Variants in MCTP2 observed in about 807,000 individuals in gnomAD.
The protein encoded by MCTP2 is multiple C2 and transmembrane domain containing 2, also known as multiple C2 and transmembrane domain-containing protein 2.
MCTP2 carries 132 observed loss-of-function variants against 111.6 expected under a neutral mutation model. The ratio of observed to expected loss-of-function variants is 1.18; its 90% CI spans 1.03 to 1.37. MCTP2 has a LOEUF of 1.37. Ranked by LOEUF, MCTP2 falls within the 40% of genes most tolerant of loss-of-function variation. The probability of loss-of-function intolerance (pLI) is 0.00; values close to 1 mark genes in which losing one functional copy is unlikely to be tolerated. For missense variants in MCTP2, 1,183 were observed against 1,067.9 expected, an observed-to-expected ratio of 1.11 and a Z score of -1.50; for synonymous variants, 395 against 387.7, an observed-to-expected ratio of 1.02 and a Z score of -0.22.
chr15:94,313,567 T>C (rs1567395675), intron 2 of MCTP2, among the ~76,000 whole-genome samples: 1 of 151,918 alleles, frequency 6.6e-6, no homozygotes, highest in Non-Finnish European at 1.5e-5. Context: ...CAGGCGTTGT[T>C]ACAGGTGCCT....
At position 94,358,607 on chromosome 15, in the gene MCTP2, G is replaced by A. The variant is rs557973063; in HGVS notation, c.1296G>A (p.Leu432=). ...ACAACAAAAAGCATGAGGAACGTCTGGGCACGTGAGTCCCCTCTGCTTTCC... is the reference window on the plus strand; with the variant it reads ...ACAACAAAAAGCATGAGGAACGTCTAGGCACGTGAGTCCCCTCTGCTTTCC... ...GKDNKKHEER[L]GTCKVDISAL... is the part of the protein sequence containing the mutation. The change falls in exon 10 of 23, where the codon CTG becomes CTA. Residue 432 remains leucine, a synonymous_variant. Transcript: ENST00000357742. 1 of 1,613,414 alleles carries A rather than the reference G, an allele frequency of 6.2e-7. No individual in the cohort carries two copies. The highest frequency in any genetic ancestry group is 1.3e-5 in the African/African-American group (1 of 74,990).
At chr15:94,394,899 G>T (rs769915305) in intron 14 of MCTP2, among the ~76,000 whole-genome samples, 1 of 152,116 alleles carries the variant, frequency 6.6e-6, no homozygotes, top group Non-Finnish European at 1.5e-5. Flanking sequence ...TAGTTGGTTT[G>T]GGTTTCAGGC....
intron 17 of MCTP2, among the ~76,000 whole-genome samples, chr15:94,418,353 A>C (rs927824761): frequency 7.2e-5 from 11 of 152,028 alleles, no homozygotes; most frequent in Non-Finnish European, 1.2e-4. Flanking sequence ...TCATCTACCT[A>C]CCTTTATGGA....
intron 1 of MCTP2, among the ~76,000 whole-genome samples, chr15:94,293,793 A>C (rs1333453226): frequency 1.3e-5 from 2 of 152,252 alleles, no homozygotes; most frequent in African/African-American, 4.8e-5. Flanking sequence ...AAAGTCTGGC[A>C]AAGAGTTATC....
intron 14 of MCTP2, among the ~76,000 whole-genome samples, chr15:94,386,814 A>AAAC (rs72018608): frequency 6.6e-6 from 1 of 151,976 alleles, no homozygotes; most frequent in South Asian, 2.1e-4. Context: ...AAACAAAACA[A>AAAC]AACAAAACAA....
intron 17 of MCTP2, among the ~76,000 whole-genome samples, chr15:94,407,689 T>G (rs2081967067): frequency 6.6e-6 from 1 of 151,358 alleles, no homozygotes; most frequent in Non-Finnish European, 1.5e-5. Flanking sequence ...CCTAGAATAT[T>G]GAGAAAATGT....
At chr15:94,274,182 C>CT in intron 1 of MCTP2, among the ~76,000 whole-genome samples, 1 of 147,604 alleles carries the variant, frequency 6.8e-6, no homozygotes. Context: ...GGGAAATGCT[C>CT]TAAAAAAAAA....
At chr15:94,250,274 CTT>C (rs1332019297) in intron 1 of MCTP2, among the ~76,000 whole-genome samples, 7 of 152,078 alleles carry the variant, frequency 4.6e-5, no homozygotes, top group African/African-American at 1.7e-4. Context: ...AAATATATCA[CTT>C]AATATGCATT....
At chr15:94,329,356 G>A (rs371243407) in intron 4 of MCTP2, among the ~76,000 whole-genome samples, 58 of 152,156 alleles carry the variant, frequency 3.8e-4, no homozygotes, top group African/African-American at 1.2e-3. Context: ...TTAGTAGTCC[G>A]TTCTTGCATT....
At chr15:94,443,046 TC>T (rs377371158) in intron 19 of MCTP2, 86 bp downstream of exon 19, 31 of 812,262 alleles carry the variant, frequency 3.8e-5, no homozygotes, top group African/African-American at 1.5e-4. Flanking sequence ...CTCTCTCCTC[TC>T]TTTTTTTTTT....
chr15:94,410,891 G>A (rs1002475160), intron 17 of MCTP2, among the ~76,000 whole-genome samples: 12 of 152,162 alleles, frequency 7.9e-5, no homozygotes, highest in Admixed American at 3.3e-4. Flanking sequence ...AAACAACCTG[G>A]CAGCTTCATC....
intron 2 of MCTP2, among the ~76,000 whole-genome samples, chr15:94,303,105 A>ATAGTTTATC (rs1567368498): frequency 2.5e-4 from 33 of 133,044 alleles, no homozygotes; most frequent in African/African-American, 9.3e-4. Context: ...TATAGTTTAT[A>ATAGTTTATC]TATATATATA....
rs1411472211 is a variant in MCTP2 at position 94,330,980 on chromosome 15, T to TGCCTCG, written c.638-8304_638-8299dup. On this transcript the variant is annotated intron_variant, in intron 4 of 22. Coordinates refer to ENST00000357742, the MANE Select transcript of MCTP2 (RefSeq NM_001385001.1). ...GAATTCTGAGCTCAAGCAATCCACC[T>TGCCTCG]GCCTCGGCCTCCCAAAGTGCTGGGA... 2.6e-5 allele frequency among the ~76,000 whole-genome samples: 4 copies of TGCCTCG among 152,164 alleles called. No homozygotes were observed. In the East Asian group the frequency reaches 7.7e-4, roughly 29 times the overall value.
At chr15:94,340,953 C>G (rs528543149) in intron 7 of MCTP2, 29 bp downstream of exon 7, 1 of 1,418,994 alleles carries the variant, frequency 7.0e-7, no homozygotes, top group Non-Finnish European at 1.0e-6. Flanking sequence ...TCTTTTGAAA[C>G]CTCTCATTTT....
intron 14 of MCTP2, among the ~76,000 whole-genome samples, chr15:94,390,488 A>T (rs1041851841): frequency 6.6e-6 from 1 of 152,060 alleles, no homozygotes; most frequent in Non-Finnish European, 1.5e-5. Flanking sequence ...TTTATCCTTA[A>T]TTAAGTGATC....
chr15:94,254,239 T>G (rs2072621802), intron 1 of MCTP2, among the ~76,000 whole-genome samples: 1 of 152,212 alleles, frequency 6.6e-6, no homozygotes. Flanking sequence ...TTATACAGTG[T>G]CTCTTCAGGT....
At chr15:94,476,601 CTGACAGATAGATAGATAGATAGAT>C in intron 21 of MCTP2, 71 bp from the exon 22 acceptor site, 2 of 748,416 alleles carry the variant, frequency 2.7e-6, no homozygotes, top group East Asian at 2.7e-5. Context: ...AGATGATTGA[CTGACAGATAGATAGATAGATAGAT>C]AGATAGATAG....
At chr15:94,243,645 A>G (rs1320975467) in intron 1 of MCTP2, among the ~76,000 whole-genome samples, 6 of 149,618 alleles carry the variant, frequency 4.0e-5, no homozygotes, top group African/African-American at 9.8e-5. Flanking sequence ...ATATACATAT[A>G]TATGTATACA....
intron 1 of MCTP2, among the ~76,000 whole-genome samples, chr15:94,258,847 T>C (rs2073011224): frequency 6.6e-6 from 1 of 152,226 alleles, no homozygotes; most frequent in Non-Finnish European, 1.5e-5. Flanking sequence ...ATTATTCAGA[T>C]GCTCTAGAAC....
Sources: gnomAD v4.1 joint callset for allele counts (sites outside exome capture counted in the v4.1 genomes callset) on GRCh38, gnomAD v4.1.1 for gene constraint, MANE v1.5 for transcripts, NCBI Gene and HGNC (gene_info 2026-07-23, HGNC 2026-07-21) for gene names.